The following NR6A1 variants were observed in gnomAD, a reference collection of about 807,000 sequenced individuals.
NR6A1 encodes retinoic acid receptor-related testis-associated receptor.
NR6A1 carries 7 observed loss-of-function variants against 59.1 expected under a neutral mutation model. The ratio of observed to expected loss-of-function variants is 0.12; its 90% CI spans 0.07 to 0.22. NR6A1 has a LOEUF of 0.22. NR6A1 is among the 10% of genes least tolerant of loss of function. The pLI is 1.00. For synonymous variants in NR6A1, 243 were observed against 236.1 expected, an observed-to-expected ratio of 1.03 and a Z score of -0.27; for missense variants, 468 against 611.6, an observed-to-expected ratio of 0.77 and a Z score of 2.48.
Position 124,536,099 on chromosome 9 carries a change from C to T in NR6A1, c.858G>A (p.Leu286=). The T allele has an allele frequency of 1.2e-6, 2 of 1,614,056 alleles. No individual in the cohort carries two copies. Among genetic ancestry groups the T allele is most frequent in the Non-Finnish European group, 1.7e-6 (2 of 1,179,986 alleles). The change falls in exon 7 of 10, where the codon CTG becomes CTA. Residue 286 remains leucine (L), a synonymous_variant. Transcript: ENST00000487099. ...YAVTQAELFA[L]LCRLADELLF... is the part of the protein sequence containing the mutation. ...GCAGCTCGTCGGCCAGGCGGCAAAG[C>T]AGGGCAAATAGTTCTGCCTGTGTCA...
chr9:124,690,287 C>T (rs1838491338), intron 2 of NR6A1, among the ~76,000 whole-genome samples: 1 of 152,140 alleles, frequency 6.6e-6, no homozygotes, highest in African/African-American at 2.4e-5. Context: ...TGAGTTTATG[C>T]TTATTTCTTC....
chr9:124,720,615 A>C (rs2131094890), intron 2 of NR6A1, among the ~76,000 whole-genome samples: 1 of 152,256 alleles, frequency 6.6e-6, no homozygotes, highest in Middle Eastern at 3.4e-3. Flanking sequence ...TTTCTTTCAG[A>C]TCATATCTAT....
At chr9:124,637,043 G>A (rs1468756114) in intron 2 of NR6A1, among the ~76,000 whole-genome samples, 1 of 152,098 alleles carries the variant, frequency 6.6e-6, no homozygotes, top group African/African-American at 2.4e-5. Flanking sequence ...GCATCAACAA[G>A]GTGCTAATGG....
chr9:124,594,036 A>T (rs1014144063), intron 2 of NR6A1, among the ~76,000 whole-genome samples: 1 of 152,216 alleles, frequency 6.6e-6, no homozygotes, highest in Admixed American at 6.5e-5. Flanking sequence ...AGCTGTGACA[A>T]AGGTTAATTT....
chr9:124,539,582 A>G (rs753198062), intron 5 of NR6A1, among the ~76,000 whole-genome samples: 2 of 152,240 alleles, frequency 1.3e-5, no homozygotes, highest in African/African-American at 2.4e-5. Context: ...CTAAGTTTGT[A>G]TTCTCTGATA....
chr9:124,598,699 G>T, intron 2 of NR6A1: 12 of 454,756 alleles, frequency 2.6e-5, no homozygotes, highest in East Asian at 6.6e-5. Context: ...AAAAAAATAA[G>T]ACGATTTATT....
At chr9:124,695,790 C>T (rs761367621) in intron 2 of NR6A1, among the ~76,000 whole-genome samples, 2 of 152,020 alleles carry the variant, frequency 1.3e-5, no homozygotes, top group Non-Finnish European at 2.9e-5. Context: ...CAATTATTTC[C>T]AAAATTTCTG....
intron 2 of NR6A1, among the ~76,000 whole-genome samples, chr9:124,699,125 T>C (rs1838856414): frequency 6.6e-6 from 1 of 152,106 alleles, no homozygotes; most frequent in South Asian, 2.1e-4. Context: ...AAATATACCC[T>C]CTCCATCTCA....
In NR6A1 at chr9:124,543,785, T is replaced by C. The variant is rs774058602; in HGVS notation, c.441+17A>G. On this transcript the variant is annotated intron_variant, in intron 4 of 9. Coordinates refer to ENST00000487099, the MANE Select transcript of NR6A1 (RefSeq NM_033334.4). ...GGCTTCCAGGACGGACCACAGAGAC[T>C]GAGGTCTAGAACTCACCTGGACTGG... 7.5e-6 allele frequency: 12 copies of C among 1,603,872 alleles called. No individual in the cohort carries two copies. The highest frequency in any genetic ancestry group is 9.4e-6 in the Non-Finnish European group (11 of 1,174,724).
rs139700318 is a variant in NR6A1 at position 124,737,162 on chromosome 9, A to G, written c.101-3813T>C. ...CCAGATGTTTGCTACTTCCTGAGGA[A>G]AGACTCTATATTCACACTAAAAAAA... On this transcript the variant is annotated intron_variant, in intron 1 of 9. Coordinates refer to ENST00000487099, the MANE Select transcript of NR6A1 (RefSeq NM_033334.4). 1.3e-3 allele frequency among the ~76,000 whole-genome samples: 195 copies of G among 152,272 alleles called. 2 individuals carry two copies. The highest frequency in any genetic ancestry group is 4.2e-3 in the African/African-American group (173 of 41,574).
chr9:124,751,254 T>C (rs967810831), intron 1 of NR6A1, among the ~76,000 whole-genome samples: 9 of 152,232 alleles, frequency 5.9e-5, no homozygotes, highest in Non-Finnish European at 1.2e-4. Flanking sequence ...TGCACATCAA[T>C]ATAATTGTTA....
chr9:124,703,083 T>G (rs1237809182), intron 2 of NR6A1, among the ~76,000 whole-genome samples: 1 of 152,018 alleles, frequency 6.6e-6, no homozygotes, highest in Non-Finnish European at 1.5e-5. Context: ...TTTTGTATTC[T>G]TAGTAGAAAC....
At chr9:124,630,218 T>G (rs1836386178) in intron 2 of NR6A1, among the ~76,000 whole-genome samples, 1 of 146,934 alleles carries the variant, frequency 6.8e-6, no homozygotes, top group Non-Finnish European at 1.5e-5. Flanking sequence ...CAGTTTTTTT[T>G]TTTTTTTTTT....
At chr9:124,525,168 A>T (rs1189118155) in intron 8 of NR6A1, among the ~76,000 whole-genome samples, 4 of 152,134 alleles carry the variant, frequency 2.6e-5, no homozygotes, top group Non-Finnish European at 5.9e-5. Flanking sequence ...AGTAAACACT[A>T]AACAAATGAC....
intron 1 of NR6A1, among the ~76,000 whole-genome samples, chr9:124,740,505 A>G (rs1409233046): frequency 1.3e-5 from 2 of 152,214 alleles, no homozygotes; most frequent in African/African-American, 2.4e-5. Flanking sequence ...TAAGAAAGCC[A>G]AAGGTCAAAA....
chr9:124,587,615 T>C (rs1244324250), intron 2 of NR6A1, among the ~76,000 whole-genome samples: 1 of 152,192 alleles, frequency 6.6e-6, no homozygotes, highest in African/African-American at 2.4e-5. Context: ...AGATTCAGAA[T>C]AATGGGCCCC....
chr9:124,589,338 C>G (rs1450662072), intron 2 of NR6A1, among the ~76,000 whole-genome samples: 17 of 152,066 alleles, frequency 1.1e-4, no homozygotes, highest in Non-Finnish European at 2.9e-5. Flanking sequence ...CCCAGCTACT[C>G]GGGAGGCTGA....
chr9:124,633,271 C>T (rs1162363018), intron 2 of NR6A1, among the ~76,000 whole-genome samples: 3 of 151,550 alleles, frequency 2.0e-5, no homozygotes, highest in Admixed American at 6.6e-5. Flanking sequence ...GGCATGGTGG[C>T]GCGCGCCTGT....
At chr9:124,670,464 T>C in intron 2 of NR6A1, among the ~76,000 whole-genome samples, 1 of 149,808 alleles carries the variant, frequency 6.7e-6, no homozygotes, top group Non-Finnish European at 1.5e-5. Context: ...TTTTTAGTTG[T>C]TGAGAAAAGG....
Sources: gnomAD v4.1 joint callset for allele counts (sites outside exome capture counted in the v4.1 genomes callset) on GRCh38, gnomAD v4.1.1 for gene constraint, MANE v1.5 for transcripts, NCBI Gene and HGNC (gene_info 2026-07-23, HGNC 2026-07-21) for gene names.